Variants in ASCC3 observed in about 807,000 individuals in gnomAD.
ASCC3 encodes ASC-1 complex subunit P200.
ASCC3 carries 158 observed loss-of-function variants against 256.3 expected under a neutral mutation model. The ratio of observed to expected loss-of-function variants is 0.62; its 90% confidence interval spans 0.54 to 0.70. ASCC3 has a LOEUF of 0.70. Ranked by LOEUF, ASCC3 falls within the 30% of genes least tolerant of loss-of-function variation. ASCC3 has a pLI of 0.00. For synonymous variants in ASCC3, 948 were observed against 883.4 expected (o/e 1.07, Z -1.30); for missense variants, 2,259 against 2,626.0 (o/e 0.86, Z 3.05).
chr6:100,554,480 A>G (rs895630756), intron 36 of ASCC3, among the ~76,000 whole-genome samples: 17 of 152,214 alleles, frequency 1.1e-4, no homozygotes, highest in Admixed American at 4.6e-4. Context: ...TGGGGATGGC[A>G]GCCTGCTCGA....
chr6:100,603,577 T>C (rs1320801093), intron 33 of ASCC3, among the ~76,000 whole-genome samples: 1 of 152,122 alleles, frequency 6.6e-6, no homozygotes, highest in Admixed American at 6.6e-5. Context: ...TGATGTTTGA[T>C]ATAGATTTTT....
At chr6:100,836,261 G>A (rs1269399690) in intron 4 of ASCC3, among the ~76,000 whole-genome samples, 1 of 151,990 alleles carries the variant, frequency 6.6e-6, no homozygotes, top group Non-Finnish European at 1.5e-5. Context: ...TTGCCTACCT[G>A]CTCTGGCTAG....
At chr6:100,762,025 A>G (rs1357071421) in intron 10 of ASCC3, among the ~76,000 whole-genome samples, 1 of 152,164 alleles carries the variant, frequency 6.6e-6, no homozygotes, top group African/African-American at 2.4e-5. Context: ...CTGTGATCTG[A>G]GCTCATGTGT....
At chr6:100,788,610 G>A (rs1308351206) in intron 8 of ASCC3, among the ~76,000 whole-genome samples, 1 of 150,946 alleles carries the variant, frequency 6.6e-6, no homozygotes, top group Non-Finnish European at 1.5e-5. Context: ...AATGTAATAC[G>A]TTTCAGCCAT....
At chr6:100,570,038 T>C (rs991553263) in intron 36 of ASCC3, among the ~76,000 whole-genome samples, 2 of 152,302 alleles carry the variant, frequency 1.3e-5, no homozygotes, top group East Asian at 1.9e-4. Flanking sequence ...AATTTTGTTG[T>C]GGCTATTGTA....
intron 33 of ASCC3, among the ~76,000 whole-genome samples, chr6:100,603,435 T>G (rs964690263): frequency 1.3e-5 from 2 of 152,086 alleles, no homozygotes; most frequent in African/African-American, 4.8e-5. Flanking sequence ...TATTTGGACT[T>G]CCATTTCTTT....
intron 5 of ASCC3, among the ~76,000 whole-genome samples, chr6:100,804,426 A>T (rs1562308985): frequency 6.6e-6 from 1 of 152,032 alleles, no homozygotes; most frequent in Non-Finnish European, 1.5e-5. Flanking sequence ...TTTTAAAGAA[A>T]ATTTGCTATG....
chr6:100,662,237 C>A, intron 15 of ASCC3, 108 bp downstream of exon 15: 1 of 1,253,856 alleles, frequency 8.0e-7, no homozygotes. Flanking sequence ...AAATAACATT[C>A]AAAGTCAAGG....
chr6:100,681,620 A>G (rs923299936), intron 13 of ASCC3, among the ~76,000 whole-genome samples: 5 of 145,686 alleles, frequency 3.4e-5, no homozygotes, highest in African/African-American at 7.6e-5. Context: ...TCAGCTACTC[A>G]GGAGGCTGAG....
intron 4 of ASCC3, 27 bp downstream of exon 4, chr6:100,848,121 T>C (rs1181034078): frequency 4.5e-6 from 7 of 1,541,296 alleles, no homozygotes; most frequent in African/African-American, 2.8e-5. Flanking sequence ...CACATTAATA[T>C]AAAAAAATAA....
intron 10 of ASCC3, among the ~76,000 whole-genome samples, chr6:100,733,780 G>A (rs559082716): frequency 8.5e-5 from 13 of 152,124 alleles, no homozygotes; most frequent in East Asian, 3.9e-4. Flanking sequence ...AATTTTGTTC[G>A]TTATTTCTTA....
chr6:100,791,282 A>G (rs758237512), intron 8 of ASCC3, among the ~76,000 whole-genome samples: 2 of 151,904 alleles, frequency 1.3e-5, no homozygotes, highest in Non-Finnish European at 2.9e-5. Context: ...TTTTCCTTAC[A>G]GTTTCCATAG....
chr6:100,645,621 G>T (rs1201812421), intron 22 of ASCC3, among the ~76,000 whole-genome samples: 2 of 152,126 alleles, frequency 1.3e-5, no homozygotes, highest in Non-Finnish European at 2.9e-5. Flanking sequence ...CTTCTTGAAT[G>T]TAAGAACTGA....
At chr6:100,608,055 T>A (rs1772998914) in intron 30 of ASCC3, among the ~76,000 whole-genome samples, 1 of 131,144 alleles carries the variant, frequency 7.6e-6, no homozygotes, top group Non-Finnish European at 1.6e-5. Flanking sequence ...CATATACATA[T>A]ATACACATAT....
intron 30 of ASCC3, among the ~76,000 whole-genome samples, chr6:100,624,283 G>A (rs1165761407): frequency 6.6e-6 from 1 of 151,112 alleles, no homozygotes; most frequent in African/African-American, 2.4e-5. Flanking sequence ...ATTTGGCAAA[G>A]CTCTCACACA....
At chr6:100,570,184 A>C (rs773166567) in intron 36 of ASCC3, among the ~76,000 whole-genome samples, 2 of 152,088 alleles carry the variant, frequency 1.3e-5, no homozygotes, top group Non-Finnish European at 2.9e-5. Context: ...TCTTCTGGTG[A>C]AGTCTTTAGG....
At chr6:100,628,516 A>G (rs1002448695) in intron 27 of ASCC3, among the ~76,000 whole-genome samples, 2 of 152,138 alleles carry the variant, frequency 1.3e-5, no homozygotes, top group African/African-American at 4.8e-5. Context: ...TCTTGGTGCT[A>G]TTCTCATGAC....
At chr6:100,849,643 T>C (rs1772562209) in intron 3 of ASCC3, among the ~76,000 whole-genome samples, 1 of 152,120 alleles carries the variant, frequency 6.6e-6, no homozygotes, top group Non-Finnish European at 1.5e-5. Context: ...CATTTTCTCA[T>C]ATCCAATTTT....
intron 8 of ASCC3, among the ~76,000 whole-genome samples, chr6:100,780,162 T>C (rs1370242564): frequency 3.3e-5 from 5 of 152,132 alleles, no homozygotes; most frequent in Admixed American, 6.5e-5. Flanking sequence ...TAAAATATCA[T>C]CTTAATATGA....
Sources: gnomAD v4.1 joint callset for allele counts (sites outside exome capture counted in the v4.1 genomes callset) on GRCh38, gnomAD v4.1.1 for gene constraint, MANE v1.5 for transcripts, NCBI Gene and HGNC (gene_info 2026-07-23, HGNC 2026-07-21) for gene names.